Variants in PCDH9 observed in about 807,000 individuals in gnomAD.
The protein encoded by PCDH9 is protocadherin 9.
A neutral mutation model predicts 70.6 loss-of-function variants in PCDH9; 24 were observed. The observed-to-expected ratio is 0.34, with a 90% confidence interval of 0.25 to 0.48. PCDH9 has a LOEUF of 0.48. Among genes scored for constraint, PCDH9 ranks in the 20% least tolerant of loss-of-function variants. PCDH9 has a pLI of 0.99. For missense variants in PCDH9, 1,281 were observed against 1,503.6 expected (o/e 0.85, Z 2.45); for synonymous variants, 562 against 558.5 (o/e 1.01, Z -0.09).
intron 4 of PCDH9, among the ~76,000 whole-genome samples, chr13:66,482,038 C>A (rs975855275): frequency 5.3e-5 from 8 of 152,074 alleles, no homozygotes; most frequent in Admixed American, 1.3e-4. Context: ...TCACCAAAAA[C>A]CATAAACTCT....
intron 4 of PCDH9, among the ~76,000 whole-genome samples, chr13:66,364,635 A>G (rs1282083115): frequency 3.3e-5 from 5 of 152,208 alleles, no homozygotes; most frequent in Non-Finnish European, 5.9e-5. Context: ...ACAGCTAGAA[A>G]TACATTACCA....
chr13:66,804,359 T>A (rs888109232), intron 3 of PCDH9, among the ~76,000 whole-genome samples: 2 of 152,196 alleles, frequency 1.3e-5, no homozygotes, highest in Admixed American at 1.3e-4. Flanking sequence ...GACTGGTCAT[T>A]TGGCATAAAC....
intron 4 of PCDH9, among the ~76,000 whole-genome samples, chr13:66,608,958 G>A (rs1401274223): frequency 1.3e-5 from 2 of 152,086 alleles, no homozygotes; most frequent in East Asian, 1.9e-4. Context: ...GACCTCACAC[G>A]GTCTCCTTTA....
chr13:67,072,361 G>T (rs1269834983), intron 2 of PCDH9, among the ~76,000 whole-genome samples: 1 of 152,090 alleles, frequency 6.6e-6, no homozygotes, highest in African/African-American at 2.4e-5. Context: ...AGAAAATTTA[G>T]AACAGCCTTT....
chr13:66,536,407 G>A lies in PCDH9; in HGVS notation c.3340+94803C>T, dbSNP rs551695651. Reference sequence around the variant, plus strand: ...TGGTACTATTTTTTAAACATTAAAAGTAAACTTAATTTTTTGCACTTTTAG... The same window carrying A: ...TGGTACTATTTTTTAAACATTAAAAATAAACTTAATTTTTTGCACTTTTAG... On this transcript the variant is annotated intron_variant, in intron 4 of 4. Coordinates refer to ENST00000377865, the MANE Select transcript of PCDH9 (RefSeq NM_203487.3). Among the ~76,000 whole-genome samples the A allele has an allele frequency of 1.4e-3, 211 of 152,116 alleles. 1 individual carries two copies. Among genetic ancestry groups the A allele is most frequent in the Non-Finnish European group, 2.4e-3 (166 of 67,968 alleles).
intron 3 of PCDH9, among the ~76,000 whole-genome samples, chr13:66,850,477 C>T (rs2081297739): frequency 6.6e-6 from 1 of 151,308 alleles, no homozygotes; most frequent in Admixed American, 6.6e-5. Flanking sequence ...TGCCACTGCA[C>T]TCCAGCCTGG....
In PCDH9 at chr13:67,167,651, G is replaced by A. The variant is rs186833814; in HGVS notation, c.3036+57754C>T. On this transcript the variant is annotated intron_variant, in intron 2 of 4. Coordinates refer to ENST00000377865, the MANE Select transcript of PCDH9 (RefSeq NM_203487.3). ...TCACTTGCTTTAAATAATGGACTGA[G>A]GCCCAGTGTCAGCATCTATCCAGAT... Among the ~76,000 whole-genome samples, 361 of 152,176 alleles carry A rather than the reference G, an allele frequency of 2.4e-3. 5 individuals are homozygous for A. The highest frequency in any genetic ancestry group is 2.9e-3 in the Non-Finnish European group (195 of 68,006).
chr13:67,194,293 T>C (rs2088998812), intron 2 of PCDH9, among the ~76,000 whole-genome samples: 1 of 152,062 alleles, frequency 6.6e-6, no homozygotes, highest in Non-Finnish European at 1.5e-5. Flanking sequence ...AAAATCATTG[T>C]CTCCAAATAA....
At chr13:66,552,814 C>G (rs1003818423) in intron 4 of PCDH9, among the ~76,000 whole-genome samples, 1 of 151,818 alleles carries the variant, frequency 6.6e-6, no homozygotes, top group Non-Finnish European at 1.5e-5. Context: ...AAAGATATAC[C>G]CAAGCCTGGG....
At chr13:66,914,426 CTG>C (rs2082524161) in intron 2 of PCDH9, 1 of 151,934 alleles carries the variant, frequency 6.6e-6, no homozygotes, top group East Asian at 1.9e-4. Context: ...TTAGAAGACT[CTG>C]TGGAATACGA....
chr13:66,451,998 T>C (rs994641938), intron 4 of PCDH9, among the ~76,000 whole-genome samples: 4 of 152,196 alleles, frequency 2.6e-5, no homozygotes, highest in Non-Finnish European at 5.9e-5. Flanking sequence ...TAGACTGTCA[T>C]GGGTCCCCTA....
intron 2 of PCDH9, among the ~76,000 whole-genome samples, chr13:67,056,921 T>G (rs1243838797): frequency 6.6e-6 from 1 of 152,156 alleles, no homozygotes; most frequent in Non-Finnish European, 1.5e-5. Context: ...TTATATACAC[T>G]ATGCAAAAAA....
intron 2 of PCDH9, among the ~76,000 whole-genome samples, chr13:67,063,312 A>G (rs2085575529): frequency 6.6e-6 from 1 of 152,134 alleles, no homozygotes; most frequent in South Asian, 2.1e-4. Context: ...ACCATTCACA[A>G]GGGACCATCT....
At chr13:66,970,425 T>C (rs535011468) in intron 2 of PCDH9, among the ~76,000 whole-genome samples, 2 of 151,500 alleles carry the variant, frequency 1.3e-5, no homozygotes, top group Non-Finnish European at 2.9e-5. Context: ...GGCCAGGAGT[T>C]CAAGACCAGC....
At chr13:66,869,520 G>T (rs918204683) in intron 3 of PCDH9, among the ~76,000 whole-genome samples, 1 of 152,208 alleles carries the variant, frequency 6.6e-6, no homozygotes, top group East Asian at 1.9e-4. Context: ...AGACTGGAAT[G>T]TTCCCTTTCT....
chr13:67,188,511 A>G (rs1224314313), intron 2 of PCDH9, among the ~76,000 whole-genome samples: 1 of 152,074 alleles, frequency 6.6e-6, no homozygotes, highest in Non-Finnish European at 1.5e-5. Context: ...ATTCTATTTT[A>G]CTAATAGAAA....
chr13:66,864,079 G>A (rs2081530354), intron 3 of PCDH9, among the ~76,000 whole-genome samples: 2 of 152,124 alleles, frequency 1.3e-5, no homozygotes, highest in Admixed American at 6.5e-5. Flanking sequence ...TACCTATCAC[G>A]GAGGTAACTG....
chr13:66,389,919 GTTTTC>G (rs935222420), intron 4 of PCDH9, among the ~76,000 whole-genome samples: 8 of 152,178 alleles, frequency 5.3e-5, no homozygotes, highest in South Asian at 2.1e-4. Flanking sequence ...TCTCTTTAAT[GTTTTC>G]TTTTCTTGAA....
chr13:66,826,699 T>C (rs1310604447), intron 3 of PCDH9, among the ~76,000 whole-genome samples: 3 of 151,972 alleles, frequency 2.0e-5, no homozygotes, highest in Non-Finnish European at 4.4e-5. Flanking sequence ...AAGAAAATAA[T>C]ACAAAACTAA....
Sources: allele counts gnomAD v4.1 joint callset (sites outside exome capture counted in the v4.1 genomes callset), GRCh38; gene constraint gnomAD v4.1.1; transcripts MANE v1.5; gene names NCBI Gene and HGNC (gene_info 2026-07-23, HGNC 2026-07-21).